ATXN1: variants seen among roughly 807,000 people sequenced by gnomAD.
ATXN1 encodes the protein ataxin-1.
A neutral mutation model predicts 56.4 loss-of-function variants in ATXN1; 8 were observed. The ratio of observed to expected loss-of-function variants is 0.14; its 90% confidence interval spans 0.08 to 0.26. ATXN1 has a LOEUF of 0.26. Ranked by LOEUF, ATXN1 falls within the 10% of genes least tolerant of loss-of-function variation. The pLI is 1.00. For synonymous variants in ATXN1, 514 were observed against 494.6 expected (o/e 1.04, Z -0.52); for missense variants, 987 against 1,106.5 (o/e 0.89, Z 1.53).
At chr6:16,490,985 G>A (rs1162316413) in intron 5 of ATXN1, among the ~76,000 whole-genome samples, 1 of 151,978 alleles carries the variant, frequency 6.6e-6, no homozygotes, top group Non-Finnish European at 1.5e-5. Context: ...CACTGGAGAA[G>A]GAAGCTTCCC....
Position 16,456,724 on chromosome 6 carries a change from C to A in ATXN1, c.-161+29248G>T, listed in dbSNP as rs150415967. Among the ~76,000 whole-genome samples the A allele has an allele frequency of 2.2e-3, 341 of 152,314 alleles. 2 individuals carry two copies. The highest frequency in any genetic ancestry group is 7.5e-3 in the African/African-American group (312 of 41,578). ...CCTCTCTTCTCCAAGGTTAGTCTTG[C>A]TTCTAAAAACCACTCCCTGTCCCTG... On this transcript the variant is annotated intron_variant, in intron 6 of 7. Transcript: ENST00000436367.
intron 6 of ATXN1, among the ~76,000 whole-genome samples, chr6:16,404,850 C>T (rs918420721): frequency 6.6e-6 from 1 of 152,124 alleles, no homozygotes; most frequent in Non-Finnish European, 1.5e-5. Context: ...GAGGGTCCCA[C>T]CCCCACCTCA....
rs1181927561 is a variant in ATXN1, at chr6:16,303,309, T to G, written c.*3020A>C. The G allele has an allele frequency of 6.6e-6, 1 of 152,238 alleles. No individual in the cohort carries two copies. Among genetic ancestry groups the G allele is most frequent in the East Asian group, 1.9e-4 (1 of 5,182 alleles). 9.4% of individuals were successfully genotyped at this position (152,238 alleles called of 1,614,324 possible). A position where few individuals can be genotyped will look rare whatever the true frequency, so the allele number is the denominator to read the frequency against. ...GGGACACTGCGGTTCCTCCCCCGGG[T>G]CTCCTTGGCTGGCTCTTTCTGCAAC... On this transcript the variant is annotated 3_prime_UTR_variant, in exon 8 of 8. Coordinates refer to ENST00000436367, the MANE Select transcript of ATXN1 (RefSeq NM_001128164.2). This position sits in a 1 kb window ranked among gnomAD's most constrained non-coding sequence, Gnocchi z 4.3.
intron 6 of ATXN1, among the ~76,000 whole-genome samples, chr6:16,355,105 T>C (rs1761657849): frequency 1.3e-5 from 2 of 152,200 alleles, no homozygotes; most frequent in South Asian, 4.1e-4. Context: ...TGTTTAACTC[T>C]GGGGCAGTTG....
chr6:16,502,774 T>C (rs1028547306), intron 5 of ATXN1, among the ~76,000 whole-genome samples: 3 of 152,212 alleles, frequency 2.0e-5, no homozygotes, highest in African/African-American at 7.2e-5. Flanking sequence ...GCAAGTTATA[T>C]AGTTTATATT....
intron 2 of ATXN1, among the ~76,000 whole-genome samples, chr6:16,699,891 G>A (rs1039952003): frequency 1.3e-5 from 2 of 152,062 alleles, no homozygotes; most frequent in African/African-American, 4.8e-5. Flanking sequence ...AAATTTCCCA[G>A]TAGGAAGCAA....
chr6:16,608,714 G>C (rs1056091804), intron 3 of ATXN1, among the ~76,000 whole-genome samples: 1 of 152,120 alleles, frequency 6.6e-6, no homozygotes, highest in Non-Finnish European at 1.5e-5. Context: ...TACCTAATTG[G>C]ACCATGCAGC....
intron 6 of ATXN1, among the ~76,000 whole-genome samples, chr6:16,429,461 A>G (rs1160158761): frequency 8.1e-6 from 1 of 123,398 alleles, no homozygotes; most frequent in Non-Finnish European, 1.6e-5. Context: ...AGTCTCCTCC[A>G]GGCTGGAGTG....
At chr6:16,367,035 A>G (rs1354634812) in intron 6 of ATXN1, among the ~76,000 whole-genome samples, 11 of 152,210 alleles carry the variant, frequency 7.2e-5, no homozygotes, top group Admixed American at 6.5e-4. Flanking sequence ...TTGTCTCTCA[A>G]TTACCCTGGG....
chr6:16,434,588 G>A (rs1317903022), intron 6 of ATXN1, among the ~76,000 whole-genome samples: 1 of 152,200 alleles, frequency 6.6e-6, no homozygotes, highest in Non-Finnish European at 1.5e-5. Flanking sequence ...GTCCATTCAT[G>A]ATGTTGCCAT....
At chr6:16,476,244 C>A (rs190125532) in intron 6 of ATXN1, among the ~76,000 whole-genome samples, 1 of 152,246 alleles carries the variant, frequency 6.6e-6, no homozygotes, top group Admixed American at 6.5e-5. Context: ...CTCTAGTATG[C>A]TTCCAGTTAT....
At chr6:16,448,461 A>G (rs575386617) in intron 6 of ATXN1, among the ~76,000 whole-genome samples, 45 of 152,310 alleles carry the variant, frequency 3.0e-4, no homozygotes, top group African/African-American at 1.1e-3. Flanking sequence ...TTACTGATAT[A>G]TCACAGGTGT....
chr6:16,616,896 T>C (rs1289771945), intron 3 of ATXN1, among the ~76,000 whole-genome samples: 3 of 151,422 alleles, frequency 2.0e-5, no homozygotes, highest in Non-Finnish European at 4.4e-5. Flanking sequence ...CAAGAAGATA[T>C]TTGGAGACTG....
chr6:16,647,801 C>T (rs1191350978), intron 3 of ATXN1, among the ~76,000 whole-genome samples: 3 of 152,164 alleles, frequency 2.0e-5, no homozygotes, highest in Non-Finnish European at 2.9e-5. Flanking sequence ...TAAGGCCGGG[C>T]GCAGTGGCTC....
At chr6:16,711,072 A>G (rs1759512355) in intron 2 of ATXN1, among the ~76,000 whole-genome samples, 1 of 152,206 alleles carries the variant, frequency 6.6e-6, no homozygotes, top group Non-Finnish European at 1.5e-5. Context: ...AATCAAGACA[A>G]TATAGTATTG....
chr6:16,328,854 G>A lies in ATXN1; in HGVS notation c.-160-384C>T, dbSNP rs1441733068. Among the ~76,000 whole-genome samples the A allele has an allele frequency of 6.6e-6, 1 of 152,190 alleles. No homozygotes were observed. Among genetic ancestry groups the A allele is most frequent in the Non-Finnish European group, 1.5e-5 (1 of 68,032 alleles). ...AGGCAGGAGAATTGCTTGAACCCAG[G>A]AGGCAGAGGTTGCAGTGAGCCGAGA... On this transcript the variant is annotated intron_variant, in intron 6 of 7. Transcript: ENST00000436367. This position sits in a 1 kb window ranked among gnomAD's most constrained non-coding sequence, Gnocchi z 6.2.
chr6:16,453,915 C>G (rs193287288), intron 6 of ATXN1, among the ~76,000 whole-genome samples: 1 of 151,940 alleles, frequency 6.6e-6, no homozygotes, highest in Non-Finnish European at 1.5e-5. Context: ...CTGAGTCAGG[C>G]GGATCACTTG....
intron 3 of ATXN1, among the ~76,000 whole-genome samples, chr6:16,655,429 T>C (rs1269444963): frequency 1.3e-5 from 2 of 152,212 alleles, no homozygotes; most frequent in African/African-American, 4.8e-5. Flanking sequence ...GTGATGATGA[T>C]TCCTGCCCTG....
chr6:16,496,691 T>A (rs910084226), intron 5 of ATXN1, among the ~76,000 whole-genome samples: 2 of 152,220 alleles, frequency 1.3e-5, no homozygotes, highest in Non-Finnish European at 2.9e-5. Context: ...TCAGTTAAAA[T>A]ACCTGATGAT....
Sources: allele counts gnomAD v4.1 joint callset (sites outside exome capture counted in the v4.1 genomes callset), GRCh38; gene constraint gnomAD v4.1.1; non-coding constraint Gnocchi (gnomAD v3.1); transcripts MANE v1.5; gene names NCBI Gene and HGNC (gene_info 2026-07-23, HGNC 2026-07-21).